Variants in PRKCH observed in about 807,000 individuals in gnomAD.
PRKCH encodes the protein protein kinase C eta type.
In PRKCH, 28 loss-of-function variants were observed where a neutral mutation model predicts 82.5. The ratio of observed to expected loss-of-function variants is 0.34; its 90% confidence interval spans 0.25 to 0.47. PRKCH has a LOEUF of 0.47. Ranked by LOEUF, PRKCH falls within the 20% of genes least tolerant of loss-of-function variation. The pLI is 1.00. For synonymous variants in PRKCH, 322 were observed against 327.4 expected (o/e 0.98, Z 0.18); for missense variants, 705 against 881.8 (o/e 0.80, Z 2.54).
chr14:61,190,449 C>G (rs12436082), intron 1 of PRKCH, among the ~76,000 whole-genome samples: 47,140 of 152,036 alleles, frequency 0.31, 7,554 homozygotes, highest in Admixed American at 0.41. Flanking sequence ...AGTCCATTCT[C>G]TAAACAGCAG....
At chr14:61,453,955 T>C (rs1330897656) in intron 7 of PRKCH, among the ~76,000 whole-genome samples, 1 of 152,136 alleles carries the variant, frequency 6.6e-6, no homozygotes, top group Non-Finnish European at 1.5e-5. Flanking sequence ...CCACTGTGTC[T>C]GGCTGAAATA....
At chr14:61,548,762 C>T (rs2043291038) in intron 13 of PRKCH, among the ~76,000 whole-genome samples, 1 of 149,586 alleles carries the variant, frequency 6.7e-6, no homozygotes, top group Non-Finnish European at 1.5e-5. Context: ...ACTCAGGAGG[C>T]TGAAGTAGAA....
chr14:61,403,324 A>T (rs1029055283), intron 2 of PRKCH, among the ~76,000 whole-genome samples: 3 of 152,230 alleles, frequency 2.0e-5, no homozygotes, highest in Non-Finnish European at 4.4e-5. Flanking sequence ...TCAAAAGCCC[A>T]GTGCTTTAAA....
intron 10 of PRKCH, among the ~76,000 whole-genome samples, chr14:61,506,785 A>C (rs1421569241): frequency 6.6e-6 from 1 of 152,084 alleles, no homozygotes; most frequent in Non-Finnish European, 1.5e-5. Context: ...GAGGCCATCC[A>C]TGAAGCCTCT....
chr14:61,319,001 G>A (rs1024792250), upstream of PRKCH, among the ~76,000 whole-genome samples: 5 of 152,108 alleles, frequency 3.3e-5, no homozygotes, highest in Non-Finnish European at 5.9e-5. Context: ...CCCCAGAGAG[G>A]TATTTTAAAA....
intron 1 of PRKCH, among the ~76,000 whole-genome samples, chr14:61,190,608 C>T (rs1295371129): frequency 2.0e-5 from 3 of 152,208 alleles, no homozygotes; most frequent in Admixed American, 6.5e-5. Context: ...TTCTCCAAGA[C>T]GAAGGCTTGC....
chr14:61,228,611 C>A (rs1042411949), intron 1 of PRKCH, among the ~76,000 whole-genome samples: 1 of 17,368 alleles, frequency 5.8e-5, no homozygotes, highest in African/African-American at 9.2e-5. Flanking sequence ...TTTTAGCCTC[C>A]CAAGATTTTT....
intron 12 of PRKCH, among the ~76,000 whole-genome samples, chr14:61,546,678 C>A (rs778688702): frequency 1.9e-4 from 29 of 152,186 alleles, no homozygotes; most frequent in Non-Finnish European, 1.9e-4. Context: ...ATAAACACAG[C>A]ATTACTTTTG....
chr14:61,263,690 T>C (rs911554917), intron 1 of PRKCH, among the ~76,000 whole-genome samples: 1 of 150,278 alleles, frequency 6.7e-6, no homozygotes, highest in African/African-American at 2.5e-5. Context: ...GGTAGTGGAA[T>C]ACAAAATAAT....
chr14:61,441,226 G>A (rs1025446687), intron 2 of PRKCH, among the ~76,000 whole-genome samples: 6 of 152,022 alleles, frequency 3.9e-5, no homozygotes, highest in Non-Finnish European at 8.8e-5. Flanking sequence ...TGAATGCTGC[G>A]ATGTGCCTAG....
intron 9 of PRKCH, among the ~76,000 whole-genome samples, chr14:61,458,541 G>A (rs531299343): frequency 3.7e-4 from 57 of 152,268 alleles, no homozygotes; most frequent in African/African-American, 1.3e-3. Flanking sequence ...TCTCAGGGAG[G>A]GAAGATCTTT....
At chr14:61,308,683 C>T (rs1265493546) in intron 1 of PRKCH, among the ~76,000 whole-genome samples, 4 of 152,134 alleles carry the variant, frequency 2.6e-5, no homozygotes. Flanking sequence ...GGCTTGAGTG[C>T]AGTGGTACAA....
At chr14:61,406,997 C>T (rs1306287662) in intron 2 of PRKCH, among the ~76,000 whole-genome samples, 1 of 151,924 alleles carries the variant, frequency 6.6e-6, no homozygotes, top group Non-Finnish European at 1.5e-5. Context: ...CAAGATCTCA[C>T]TTTTTGATCC....
intron 10 of PRKCH, among the ~76,000 whole-genome samples, chr14:61,487,805 C>T (rs1050507100): frequency 7.4e-6 from 1 of 135,496 alleles, no homozygotes; most frequent in African/African-American, 2.8e-5. Context: ...CCAGCCGGGG[C>T]AACATAAGGA....
At chr14:61,234,287 A>G (rs2044769730) in intron 1 of PRKCH, among the ~76,000 whole-genome samples, 1 of 152,202 alleles carries the variant, frequency 6.6e-6, no homozygotes, top group Non-Finnish European at 1.5e-5. Context: ...TTGTTATTAC[A>G]GCCCTGGTCC....
chr14:61,377,727 C>T (rs1335562580), intron 1 of PRKCH, among the ~76,000 whole-genome samples: 1 of 152,198 alleles, frequency 6.6e-6, no homozygotes, highest in Non-Finnish European at 1.5e-5. Context: ...TACCCAGGCC[C>T]CAAACTCCAT....
chr14:61,287,200 G>A (rs554165705), intron 1 of PRKCH, among the ~76,000 whole-genome samples: 61 of 80,564 alleles, frequency 7.6e-4, no homozygotes, highest in Middle Eastern at 0.011. Flanking sequence ...GCAAGACTCC[G>A]TCTTAAAAAA....
chr14:61,530,783 C>T (rs1408185890), intron 12 of PRKCH, among the ~76,000 whole-genome samples, 188 bp downstream of exon 12: 3 of 152,226 alleles, frequency 2.0e-5, no homozygotes, highest in African/African-American at 7.2e-5. Flanking sequence ...GCAATAGACC[C>T]TCTCTTATGC....
chr14:61,481,479 T>C (rs761050487), intron 9 of PRKCH, among the ~76,000 whole-genome samples: 5 of 152,196 alleles, frequency 3.3e-5, no homozygotes, highest in African/African-American at 7.2e-5. Flanking sequence ...TGTAGCTGCT[T>C]TCTGACTCCC....
Sources: gnomAD v4.1 joint callset for allele counts (sites outside exome capture counted in the v4.1 genomes callset) on GRCh38, gnomAD v4.1.1 for gene constraint, MANE v1.5 for transcripts, NCBI Gene and HGNC (gene_info 2026-07-23, HGNC 2026-07-21) for gene names.